The following LHFPL3 variants were observed in gnomAD, a reference collection of about 807,000 sequenced individuals.
The protein encoded by LHFPL3 is LHFPL tetraspan subfamily member 3.
In LHFPL3, 5 loss-of-function variants were observed where a neutral mutation model predicts 19.3. That is an observed-to-expected ratio of 0.26 (90% confidence interval 0.14 to 0.54). LHFPL3 has a LOEUF of 0.54. Ranked by LOEUF, LHFPL3 falls within the 20% of genes least tolerant of loss-of-function variation. The probability of loss-of-function intolerance (pLI) is 0.94; values close to 1 mark genes in which losing one functional copy is unlikely to be tolerated. For synonymous variants in LHFPL3, 133 were observed against 126.2 expected (o/e 1.05, Z -0.36); for missense variants, 249 against 307.4 (o/e 0.81, Z 1.42).
chr7:104,871,619 C>A (rs1791839529), intron 2 of LHFPL3, among the ~76,000 whole-genome samples: 1 of 152,072 alleles, frequency 6.6e-6, no homozygotes, highest in Non-Finnish European at 1.5e-5. Flanking sequence ...TTTAGAATAA[C>A]ACTTAGTGTA....
chr7:104,496,660 A>G (rs963888928), intron 1 of LHFPL3, among the ~76,000 whole-genome samples: 3 of 152,134 alleles, frequency 2.0e-5, no homozygotes, highest in African/African-American at 4.8e-5. Flanking sequence ...AATGATCGCC[A>G]TTCTAACTGG....
chr7:104,754,193 G>A (rs112735819), intron 2 of LHFPL3, among the ~76,000 whole-genome samples: 17 of 152,204 alleles, frequency 1.1e-4, no homozygotes, highest in East Asian at 5.8e-4. Flanking sequence ...AACACATAGC[G>A]AAGTGTATGG....
At chr7:104,472,972 TG>T (rs1792940135) in intron 1 of LHFPL3, among the ~76,000 whole-genome samples, 2 of 152,210 alleles carry the variant, frequency 1.3e-5, no homozygotes. Flanking sequence ...CTGGACCCTC[TG>T]GGAGACCAAT....
intron 1 of LHFPL3, among the ~76,000 whole-genome samples, chr7:104,529,800 C>G (rs1237212848): frequency 6.6e-6 from 1 of 152,136 alleles, no homozygotes; most frequent in Non-Finnish European, 1.5e-5. Context: ...AAGGCTGAAT[C>G]ATCACAGAGG....
chr7:104,627,423 T>C (rs1350500844), intron 1 of LHFPL3, among the ~76,000 whole-genome samples: 1 of 152,234 alleles, frequency 6.6e-6, no homozygotes, highest in Non-Finnish European at 1.5e-5. Flanking sequence ...ACATTACCTG[T>C]TGTTCTTTGA....
chr7:104,785,432 GC>G (rs1380462525), intron 2 of LHFPL3: 1 of 152,194 alleles, frequency 6.6e-6, no homozygotes, highest in Admixed American at 6.6e-5. Context: ...TAGAACTCTA[GC>G]CCCAACCCAA....
intron 1 of LHFPL3, among the ~76,000 whole-genome samples, chr7:104,576,786 A>C (rs1220979020): frequency 6.6e-6 from 1 of 152,188 alleles, no homozygotes; most frequent in African/African-American, 2.4e-5. Context: ...TATGGCTATA[A>C]ACAAATCCTG....
At chr7:104,624,065 C>A (rs1040797835) in intron 1 of LHFPL3, among the ~76,000 whole-genome samples, 20 of 152,124 alleles carry the variant, frequency 1.3e-4, no homozygotes, top group Non-Finnish European at 1.9e-4. Flanking sequence ...AAGAAGAAGA[C>A]GATGTTCCTT....
intron 1 of LHFPL3, among the ~76,000 whole-genome samples, chr7:104,514,323 ACTT>A (rs149466157): frequency 0.02 from 3,073 of 152,204 alleles, 88 homozygotes; most frequent in African/African-American, 0.07. Flanking sequence ...GCTACCATGA[ACTT>A]CTCCTTCCCA....
At chr7:104,470,243 G>A (rs1325686979) in intron 1 of LHFPL3, among the ~76,000 whole-genome samples, 1 of 152,176 alleles carries the variant, frequency 6.6e-6, no homozygotes, top group Non-Finnish European at 1.5e-5. Flanking sequence ...AGCCTAACTG[G>A]CTTTTATTGA....
intron 1 of LHFPL3, among the ~76,000 whole-genome samples, chr7:104,336,905 A>G (rs1399816009): frequency 6.6e-6 from 1 of 152,242 alleles, no homozygotes; most frequent in East Asian, 1.9e-4. Context: ...GCAGACATGC[A>G]CAACCTAAAT....
intron 1 of LHFPL3, among the ~76,000 whole-genome samples, chr7:104,586,397 G>A (rs1790579415): frequency 6.6e-6 from 1 of 151,962 alleles, no homozygotes; most frequent in African/African-American, 2.4e-5. Context: ...GATATCATCT[G>A]TGTGCACAAC....
intron 1 of LHFPL3, among the ~76,000 whole-genome samples, chr7:104,729,466 T>C (rs1793650525): frequency 1.3e-5 from 2 of 152,102 alleles, no homozygotes; most frequent in African/African-American, 4.8e-5. Context: ...ACACCAGAAA[T>C]AATTCCTCCT....
chr7:104,368,673 GTGTGTGT>G (rs1443768823), intron 1 of LHFPL3, among the ~76,000 whole-genome samples: 1 of 151,956 alleles, frequency 6.6e-6, no homozygotes, highest in Admixed American at 6.6e-5. Flanking sequence ...GTGTGTGTGT[GTGTGTGT>G]TGTTTTGTTT....
At chr7:104,355,744 G>A (rs1313327908) in intron 1 of LHFPL3, among the ~76,000 whole-genome samples, 3 of 152,154 alleles carry the variant, frequency 2.0e-5, no homozygotes, top group African/African-American at 7.2e-5. Context: ...AAAAGTAAGT[G>A]TCGCATGTTT....
chr7:104,877,385 T>A (rs1791968315), intron 2 of LHFPL3, among the ~76,000 whole-genome samples: 1 of 152,212 alleles, frequency 6.6e-6, no homozygotes. Context: ...GTATCCAAAG[T>A]ATGTAAACAG....
At chr7:104,683,045 A>G (rs1792738709) in intron 1 of LHFPL3, among the ~76,000 whole-genome samples, 2 of 152,210 alleles carry the variant, frequency 1.3e-5, no homozygotes, top group Admixed American at 6.5e-5. Context: ...GCTGGAGTTC[A>G]GTGCCGTGAT....
At chr7:104,813,601 G>A (rs1447885444) in intron 2 of LHFPL3, among the ~76,000 whole-genome samples, 1 of 152,196 alleles carries the variant, frequency 6.6e-6, no homozygotes, top group Non-Finnish European at 1.5e-5. Flanking sequence ...AGAGGTGTGT[G>A]AGTGAGTGTA....
intron 2 of LHFPL3, among the ~76,000 whole-genome samples, chr7:104,756,533 T>C (rs1444569679): frequency 3.3e-5 from 5 of 152,218 alleles, no homozygotes; most frequent in African/African-American, 1.2e-4. Context: ...ACAGTCTCAC[T>C]CTGTCACTCA....
Sources: gnomAD v4.1 joint callset for allele counts (sites outside exome capture counted in the v4.1 genomes callset) on GRCh38, gnomAD v4.1.1 for gene constraint, MANE v1.5 for transcripts, NCBI Gene and HGNC (gene_info 2026-07-23, HGNC 2026-07-21) for gene names.